SAMD8: variants seen among roughly 807,000 people sequenced by gnomAD.
SAMD8 encodes the protein sphingomyelin synthase-related protein 1.
In SAMD8, 20 loss-of-function variants were observed where a neutral mutation model predicts 42.0. The ratio of observed to expected loss-of-function variants is 0.48; its 90% CI spans 0.34 to 0.69. The LOEUF (loss-of-function observed/expected upper bound fraction) is 0.69. Ranked by LOEUF, SAMD8 falls within the 30% of genes least tolerant of loss-of-function variation. The pLI, the probability that SAMD8 is intolerant of heterozygous loss-of-function variation, is 0.01. For synonymous variants in SAMD8, 162 were observed against 173.0 expected (o/e 0.94, Z 0.50); for missense variants, 328 against 511.6 (o/e 0.64, Z 3.46).
In SAMD8 at chr10:75,174,048, ATTATG is replaced by A. The variant is rs571441367; in HGVS notation, c.793-2013_793-2009del. Among the ~76,000 whole-genome samples, 718 of 152,320 alleles carry A rather than the reference ATTATG, an allele frequency of 4.7e-3. 4 individuals are homozygous for A. The highest frequency in any genetic ancestry group is 0.015 in the African/African-American group (640 of 41,572). ...AATTTTAGCACCTTTTTGTACCATTATTATGTTATTATTAAATTGTATTATTATAA... is the reference window on the plus strand; with the variant it reads ...AATTTTAGCACCTTTTTGTACCATTATTATTATTAAATTGTATTATTATAA... On this transcript the variant is annotated intron_variant, in intron 4 of 5. Coordinates refer to ENST00000542569, the MANE Select transcript of SAMD8 (RefSeq NM_001174156.2).
At position 75,176,885 on chromosome 10, in the gene SAMD8, A is replaced by G. The variant is rs1841002037; in HGVS notation, c.*193A>G. On this transcript the variant is annotated 3_prime_UTR_variant, in exon 6 of 6. Coordinates refer to ENST00000542569, the MANE Select transcript of SAMD8 (RefSeq NM_001174156.2). This position sits in a 1 kb window ranked among gnomAD's most constrained non-coding sequence, Gnocchi z 4.3. ...CAAGAGTCCTTATGTAGCTATTTGA[A>G]CAGAAAGCTTAAGTAGATGTTTTCT... 1.9e-6 allele frequency: 1 copy of G among 535,426 alleles called. No individual in the cohort carries two copies. The highest frequency in any genetic ancestry group is 3.6e-5 in the Admixed American group (1 of 27,564). The allele number at this position is 535,426 out of a possible 1,614,324, so 33.2% of individuals were successfully genotyped here. A position where few individuals can be genotyped will look rare whatever the true frequency, so the allele number is the denominator to read the frequency against.
Position 75,104,114 on chromosome 10 carries a change from C to T in SAMD8, c.-16+4386C>T, listed in dbSNP as rs777591605. 4.9e-5 allele frequency: 65 copies of T among 1,328,000 alleles called. 1 individual carries two copies. The Middle Eastern group carries it at 1.3e-3, about 26-fold the overall frequency. 82.3% of individuals were successfully genotyped at this position (1,328,000 alleles called of 1,614,324 possible). A position where few individuals can be genotyped will look rare whatever the true frequency, so the allele number is the denominator to read the frequency against. Reference sequence around the variant, plus strand: ...GGACCAGCTCTGGAAGAGAGATGAGCTCTGTGTTACAGGCAGGTGAACCAA... The same window carrying T: ...GGACCAGCTCTGGAAGAGAGATGAGTTCTGTGTTACAGGCAGGTGAACCAA... On this transcript the variant is annotated intron_variant, in intron 1 of 3. Coordinates refer to the SAMD8 transcript ENST00000447533.
chr10:75,118,801 A>G (rs1848940092), intron 1 of SAMD8, among the ~76,000 whole-genome samples: 1 of 152,244 alleles, frequency 6.6e-6, no homozygotes, highest in African/African-American at 2.4e-5. Context: ...GTTATTAATC[A>G]CAAAGTTTAG....
chr10:75,136,061 CT>C (rs1206562156), intron 1 of SAMD8, among the ~76,000 whole-genome samples: 1 of 150,226 alleles, frequency 6.7e-6, no homozygotes, highest in Non-Finnish European at 1.5e-5. Flanking sequence ...TGCTACTTTT[CT>C]TTTCTTTTCT....
chr10:75,109,115 C>T, upstream of SAMD8: 1 of 1,611,086 alleles, frequency 6.2e-7, no homozygotes, highest in Non-Finnish European at 8.5e-7. Context: ...CAAGGCGTGG[C>T]TTTGTCCTCT....
At chr10:75,136,304 G>C (rs1839884813) in intron 1 of SAMD8, among the ~76,000 whole-genome samples, 1 of 152,012 alleles carries the variant, frequency 6.6e-6, no homozygotes, top group Non-Finnish European at 1.5e-5. Context: ...AAAAATAATT[G>C]AATAGCTTTT....
At chr10:75,149,728 T>C (rs1840237243) in intron 1 of SAMD8, among the ~76,000 whole-genome samples, 1 of 152,204 alleles carries the variant, frequency 6.6e-6, no homozygotes, top group African/African-American at 2.4e-5. Context: ...TCTCTTTTCT[T>C]TGATTTTTAA....
At chr10:75,165,728 T>A (rs1001132649) in intron 3 of SAMD8, among the ~76,000 whole-genome samples, 27 of 149,970 alleles carry the variant, frequency 1.8e-4, no homozygotes, top group African/African-American at 6.6e-4. Context: ...GTAACCCCAG[T>A]ACTTTAGGAG....
intron 1 of SAMD8, among the ~76,000 whole-genome samples, chr10:75,116,884 A>G (rs1235636765): frequency 6.6e-6 from 1 of 152,094 alleles, no homozygotes; most frequent in Non-Finnish European, 1.5e-5. Flanking sequence ...ATGTCAGTTC[A>G]TAGCAACCTT....
rs558907731 is a variant in SAMD8 at position 75,150,046 on chromosome 10, A to T, written c.-15-468A>T. ...CTGTTTCTGGGGTGCGTGTGTGTAT[A>T]TACATATGTGTGCGTGTGTGTGTGT... On this transcript the variant is annotated intron_variant, in intron 1 of 5. Transcript: ENST00000542569. Among the ~76,000 whole-genome samples the T allele has an allele frequency of 1.9e-4, 28 of 151,286 alleles. No individual in the cohort carries two copies. In the East Asian group the frequency reaches 4.5e-3, roughly 24 times the overall value.
chr10:75,129,427 G>A (rs1849223590), intron 1 of SAMD8, among the ~76,000 whole-genome samples: 1 of 152,082 alleles, frequency 6.6e-6, no homozygotes, highest in Non-Finnish European at 1.5e-5. Flanking sequence ...TTTTAATAGA[G>A]ACAGTGTTTC....
intron 1 of SAMD8, chr10:75,101,933 C>T (rs972632511): frequency 1.0e-5 from 14 of 1,367,702 alleles, no homozygotes; most frequent in Middle Eastern, 2.1e-4. Flanking sequence ...GGCTTTCAGC[C>T]GCCTGTCTCC....
At chr10:75,148,346 C>CTTTTTTTTTTTTTTGT (rs1840194298) in intron 1 of SAMD8, among the ~76,000 whole-genome samples, 1 of 82,560 alleles carries the variant, frequency 1.2e-5, no homozygotes, top group African/African-American at 6.5e-5. Context: ...GCAATACCAG[C>CTTTTTTTTTTTTTTGT]TTTTTTTTTT....
chr10:75,176,132 C>G lies in SAMD8; in HGVS notation c.859C>G (p.Leu287Val). The change falls in exon 5 of 6, where the codon CTG (leucine) becomes GTG (valine). Residue 287 changes from leucine to valine, a missense_variant. Leu to Val is a conservative substitution (Grantham distance 32). This residue lies in a region of SAMD8 where 178 missense variants were observed against 325.6 expected (regional missense o/e 0.55). Transcript: ENST00000542569. This position sits in a 1 kb window ranked among gnomAD's most constrained non-coding sequence, Gnocchi z 4.3. Reference protein sequence around the residue: ...FAIWSGFGMTLTGVHTCGDYM... With the variant: ...FAIWSGFGMTVTGVHTCGDYM... Reference sequence around the variant, plus strand: ...CATTTGGAGTGGCTTTGGTATGACCCTGACTGGCGTTCACACATGTGGAGA... The same window carrying G: ...CATTTGGAGTGGCTTTGGTATGACCGTGACTGGCGTTCACACATGTGGAGA... 6.2e-7 allele frequency: 1 copy of G among 1,614,218 alleles called. No homozygotes were observed. Among genetic ancestry groups the G allele is most frequent in the Non-Finnish European group, 8.5e-7 (1 of 1,180,036 alleles).
intron 1 of SAMD8, among the ~76,000 whole-genome samples, chr10:75,139,420 A>G (rs1839967472): frequency 6.6e-6 from 1 of 152,224 alleles, no homozygotes; most frequent in South Asian, 2.1e-4. Flanking sequence ...GCCATTTATA[A>G]TAATAATAAA....
chr10:75,123,195 C>G (rs1172727916), intron 1 of SAMD8, among the ~76,000 whole-genome samples: 2 of 125,370 alleles, frequency 1.6e-5, no homozygotes, highest in African/African-American at 6.1e-5. Flanking sequence ...CCCCACCCCA[C>G]CCCACCCCAC....
chr10:75,135,393 C>T (rs1006103747), intron 1 of SAMD8, among the ~76,000 whole-genome samples: 2 of 148,584 alleles, frequency 1.3e-5, no homozygotes, highest in Non-Finnish European at 3.0e-5. Flanking sequence ...GCAGAGGTTG[C>T]GGTGAGCTGA....
chr10:75,176,521 C>A lies in SAMD8; in HGVS notation c.1077C>A (p.Leu359=). Residue 359 remains leucine, a synonymous_variant, in exon 6 of 6, where the codon CTC becomes CTA. Transcript: ENST00000542569. This position sits in a 1 kb window ranked among gnomAD's most constrained non-coding sequence, Gnocchi z 4.3. ...VFIAFYITTR[L]FLYYHTLANT... is the part of the protein sequence containing the mutation. ...TTGCTTTTTATATAACAACAAGACT[C>A]TTTTTGTACTACCATACTCTGGCCA... 6.4e-7 allele frequency: 1 copy of A among 1,550,616 alleles called. No individual in the cohort carries two copies. The highest frequency in any genetic ancestry group is 1.2e-5 in the South Asian group (1 of 84,064).
intron 1 of SAMD8, among the ~76,000 whole-genome samples, chr10:75,123,236 A>G (rs985292897): frequency 5.8e-5 from 8 of 137,942 alleles, no homozygotes; most frequent in Non-Finnish European, 1.2e-4. Flanking sequence ...GGGCGGGTAA[A>G]GGAGATGAGG....
Sources: gnomAD v4.1 joint callset for allele counts (sites outside exome capture counted in the v4.1 genomes callset) on GRCh38, gnomAD v4.1.1 for gene constraint, gnomAD v4.1.1 regional missense constraint, Gnocchi (gnomAD v3.1) non-coding constraint, MANE v1.5 for transcripts, NCBI Gene and HGNC (gene_info 2026-07-23, HGNC 2026-07-21) for gene names.